The following DKK4 variants were observed in gnomAD, a reference collection of about 807,000 sequenced individuals.
DKK4 encodes dickkopf Wnt signaling pathway inhibitor 4, also known as dickkopf-related protein 4.
DKK4 carries 15 observed loss-of-function variants against 14.5 expected under a neutral mutation model. That is an observed-to-expected ratio of 1.03 (90% confidence interval 0.69 to 1.59). The LOEUF is 1.59. DKK4 is among the 40% of genes most tolerant of loss of function. The pLI is 0.00. For synonymous variants in DKK4, 89 were observed against 105.2 expected, an observed-to-expected ratio of 0.85 and a Z score of 0.94; for missense variants, 272 against 280.3, an observed-to-expected ratio of 0.97 and a Z score of 0.21.
At chr8:42,380,377 GAGAA>G (rs200726057), upstream of DKK4, among the ~76,000 whole-genome samples, 5,030 of 139,146 alleles carry the variant, frequency 0.036, 94 homozygotes, top group African/African-American at 0.046. Context: ...AAGAGAGACA[GAGAA>G]AGAAAGAAAG....
chr8:42,374,801 G>A lies in DKK4; in HGVS notation c.375C>T (p.Pro125=), dbSNP rs1232755472. The stretch of plus-strand genomic sequence containing the variant: ...ATTTCTTAATACTTGGCTTCCTTTT[G>A]GGTTGGTTTTCCTGGACTGGGTGCC... ...TTGHPVQENQ[P]KRKPSIKKSQ... The change falls in exon 3 of 4, where the codon CCC becomes CCT. Residue 125 remains proline, a synonymous_variant. Coordinates refer to ENST00000220812, the MANE Select transcript of DKK4 (RefSeq NM_014420.3). The A allele has an allele frequency of 6.2e-7, 1 of 1,614,028 alleles. No homozygotes were observed. Among genetic ancestry groups the A allele is most frequent in the Non-Finnish European group, 8.5e-7 (1 of 1,180,042 alleles).
At chr8:42,374,651 T>A in intron 3 of DKK4, 110 bp downstream of exon 3, 1 of 1,462,830 alleles carries the variant, frequency 6.8e-7, no homozygotes, top group African/African-American at 1.4e-5. Context: ...ACATGCTTCC[T>A]AAGTGTTTCT....
At chr8:42,374,629 A>T in intron 3 of DKK4, 132 bp downstream of exon 3, 1 of 1,347,294 alleles carries the variant, frequency 7.4e-7, no homozygotes, top group Admixed American at 2.0e-5. Context: ...ACAGAAAGAG[A>T]TAACAAACAG....
chr8:42,390,387 G>A, the DKK4 span, among the ~76,000 whole-genome samples: 1 of 124,376 alleles, frequency 8.0e-6, no homozygotes, highest in Non-Finnish European at 1.6e-5. Context: ...TTTTTGAGAC[G>A]GAGTCTCGCT....
At chr8:42,382,360 G>T in the DKK4 span, among the ~76,000 whole-genome samples, 13 of 152,188 alleles carry the variant, frequency 8.5e-5, no homozygotes. Flanking sequence ...AGCGTCTACT[G>T]CCAGGAGCCC....
chr8:42,380,650 G>A (rs1225929303), upstream of DKK4, among the ~76,000 whole-genome samples: 1 of 110,496 alleles, frequency 9.1e-6, no homozygotes, highest in Non-Finnish European at 1.6e-5. Context: ...GAAAGTGAGA[G>A]AAAGGAAGGA....
the DKK4 span, among the ~76,000 whole-genome samples, chr8:42,390,994 A>T: frequency 2.0e-5 from 3 of 152,240 alleles, no homozygotes; most frequent in South Asian, 6.2e-4. Flanking sequence ...AATTATTATC[A>T]TGGTGGTTCC....
chr8:42,390,732 GTC>G, the DKK4 span, among the ~76,000 whole-genome samples: 2 of 152,100 alleles, frequency 1.3e-5, no homozygotes, highest in African/African-American at 4.8e-5. Flanking sequence ...TGTCTTGCAG[GTC>G]TCTCAGTTTG....
At chr8:42,389,026 T>C in the DKK4 span, among the ~76,000 whole-genome samples, 1 of 152,088 alleles carries the variant, frequency 6.6e-6, no homozygotes. Flanking sequence ...CACAGCAGCC[T>C]TGACCTCCCT....
chr8:42,375,865 AC>A, intron 1 of DKK4, 35 bp from the exon 2 acceptor site: 1 of 1,607,932 alleles, frequency 6.2e-7, no homozygotes, highest in South Asian at 1.1e-5. Context: ...AGGCTAGGAA[AC>A]CCCCAACACG....
At chr8:42,390,358 CTTTT>C in the DKK4 span, among the ~76,000 whole-genome samples, 6 of 99,476 alleles carry the variant, frequency 6.0e-5, no homozygotes, top group Admixed American at 1.1e-4. Context: ...CTTTTGCTTC[CTTTT>C]TTTTTTTTTT....
the DKK4 span, among the ~76,000 whole-genome samples, chr8:42,382,709 C>G: frequency 6.6e-6 from 1 of 152,244 alleles, no homozygotes; most frequent in Admixed American, 6.5e-5. Context: ...TATGGGTTAA[C>G]TGGAAAATTT....
At chr8:42,388,036 C>T in the DKK4 span, among the ~76,000 whole-genome samples, 3 of 152,212 alleles carry the variant, frequency 2.0e-5, no homozygotes, top group African/African-American at 7.2e-5. Flanking sequence ...GTAGTCAGGA[C>T]TACAGGAGGC....
At chr8:42,381,583 CTGACTCTA>C (rs1284604712), upstream of DKK4, among the ~76,000 whole-genome samples, 1 of 152,160 alleles carries the variant, frequency 6.6e-6, no homozygotes, top group Non-Finnish European at 1.5e-5. Flanking sequence ...GGGGCCGGGC[CTGACTCTA>C]TTACCAGCTG....
Position 42,374,243 on chromosome 8 carries a change from T to A in DKK4, c.532A>T (p.Arg178Ter). 1 of 1,612,188 alleles carries A rather than the reference T, an allele frequency of 6.2e-7. No individual in the cohort carries two copies. The highest frequency in any genetic ancestry group is 1.1e-5 in the South Asian group (1 of 90,816). The change falls in exon 4 of 4, where the codon AGA becomes TGA. Residue 178 changes from arginine (R) to a stop codon, truncating the protein, a stop_gained. Transcript: ENST00000220812. LOFTEE classifies it low-confidence loss of function (END_TRUNC). ...PVLLEGQVCS[R>*]RGHKDTAQAP... ...TGAGCAGTGTCTTTATGCCCTCTTC[T>A]GGAGCAGACCTGTCCCTCCAAAAGG...
chr8:42,385,756 G>C, the DKK4 span, among the ~76,000 whole-genome samples: 2 of 152,052 alleles, frequency 1.3e-5, no homozygotes, highest in African/African-American at 4.8e-5. Context: ...CATACATCTA[G>C]GTTCTTCCCC....
In DKK4 at chr8:42,377,114, A is replaced by G; in HGVS notation, c.-69T>C. 1 of 1,307,892 alleles carries G rather than the reference A, an allele frequency of 7.6e-7. No homozygotes were observed. The highest frequency in any genetic ancestry group is 1.1e-6 in the Non-Finnish European group (1 of 934,532). 81.0% of individuals were successfully genotyped at this position (1,307,892 alleles called of 1,614,324 possible). A position where few individuals can be genotyped will look rare whatever the true frequency, so the allele number is the denominator to read the frequency against. ...ACCAAAGCGAGGCTGCTCTCCACCC[A>G]GAGCAGAGCTTCCACTAAGCTGGCA... On this transcript the variant is annotated 5_prime_UTR_variant, in exon 1 of 4. Coordinates refer to ENST00000220812, the MANE Select transcript of DKK4 (RefSeq NM_014420.3).
chr8:42,389,092 T>C, the DKK4 span, among the ~76,000 whole-genome samples: 1 of 152,182 alleles, frequency 6.6e-6, no homozygotes, highest in Non-Finnish European at 1.5e-5. Context: ...TACAGGCACA[T>C]GCCACCCATG....
At chr8:42,374,414 G>A in intron 3 of DKK4, 55 bp from the exon 4 acceptor site, 1 of 1,604,924 alleles carries the variant, frequency 6.2e-7, no homozygotes. Context: ...GGCCTGCTGG[G>A]GGTTTGCTAC....
Sources: allele counts gnomAD v4.1 joint callset (sites outside exome capture counted in the v4.1 genomes callset), GRCh38; gene constraint gnomAD v4.1.1; transcripts MANE v1.5; gene names NCBI Gene and HGNC (gene_info 2026-07-23, HGNC 2026-07-21).